The following TAOK1 variants were observed in gnomAD, a reference collection of about 807,000 sequenced individuals.
TAOK1 encodes serine/threonine-protein kinase TAO1.
Under a neutral mutation model 138.3 loss-of-function variants are expected in TAOK1, and 21 were observed. The ratio of observed to expected loss-of-function variants is 0.15; its 90% CI spans 0.11 to 0.22. TAOK1 has a LOEUF of 0.22. TAOK1 is among the 10% of genes least tolerant of loss of function. TAOK1 has a pLI of 1.00. For synonymous variants in TAOK1, 361 were observed against 398.4 expected, an observed-to-expected ratio of 0.91 and a Z score of 1.12; for missense variants, 651 against 1,227.7, an observed-to-expected ratio of 0.53 and a Z score of 7.02.
intron 19 of TAOK1, among the ~76,000 whole-genome samples, chr17:29,540,430 T>C (rs1168656193): frequency 6.6e-6 from 1 of 152,200 alleles, no homozygotes; most frequent in Non-Finnish European, 1.5e-5. Context: ...AGTAGCCCCA[T>C]CTTGGCTCAC....
At chr17:29,439,133 C>T (rs1381309317) in intron 1 of TAOK1, among the ~76,000 whole-genome samples, 2 of 151,508 alleles carry the variant, frequency 1.3e-5, no homozygotes, top group Non-Finnish European at 2.9e-5. Flanking sequence ...AATTTAGCAG[C>T]GATATAGTAT....
intron 1 of TAOK1, among the ~76,000 whole-genome samples, chr17:29,402,100 A>G (rs767875141): frequency 3.9e-5 from 6 of 152,072 alleles, no homozygotes; most frequent in African/African-American, 7.3e-5. Flanking sequence ...TATATTGGGT[A>G]TATTTACCTT....
chr17:29,443,631 T>G (rs1250699514), intron 1 of TAOK1, among the ~76,000 whole-genome samples: 1 of 152,226 alleles, frequency 6.6e-6, no homozygotes, highest in Non-Finnish European at 1.5e-5. Flanking sequence ...CATTGGCTGT[T>G]GATGTGATTG....
chr17:29,508,241 T>C (rs1301822122), intron 14 of TAOK1, 109 bp downstream of exon 14: 15 of 917,590 alleles, frequency 1.6e-5, no homozygotes, highest in African/African-American at 1.0e-4. Flanking sequence ...ACCAAGCAAA[T>C]TGGGGAAAAG....
intron 16 of TAOK1, among the ~76,000 whole-genome samples, chr17:29,518,103 G>A (rs528459061): frequency 2.0e-5 from 3 of 152,272 alleles, no homozygotes; most frequent in South Asian, 4.1e-4. Flanking sequence ...CGGTCTGCCC[G>A]TCTCAGCCTC....
At chr17:29,409,691 A>G (rs1257959771) in intron 1 of TAOK1, among the ~76,000 whole-genome samples, 1 of 151,992 alleles carries the variant, frequency 6.6e-6, no homozygotes, top group Non-Finnish European at 1.5e-5. Flanking sequence ...AAACTTTGGG[A>G]TTATTTTTGA....
intron 11 of TAOK1, among the ~76,000 whole-genome samples, chr17:29,497,420 A>T (rs1326626166): frequency 6.6e-6 from 1 of 152,162 alleles, no homozygotes; most frequent in Non-Finnish European, 1.5e-5. Context: ...ATGTAGTTAA[A>T]TTGTTAACAA....
chr17:29,398,545 T>C (rs1014062953), intron 1 of TAOK1, among the ~76,000 whole-genome samples: 2 of 151,152 alleles, frequency 1.3e-5, no homozygotes, highest in Non-Finnish European at 3.0e-5. Flanking sequence ...TTTTCTTTTT[T>C]AGAGATGGAG....
At chr17:29,410,897 A>G (rs1014429663) in intron 1 of TAOK1, among the ~76,000 whole-genome samples, 1 of 151,830 alleles carries the variant, frequency 6.6e-6, no homozygotes, top group Non-Finnish European at 1.5e-5. Flanking sequence ...GGCCTCCCCA[A>G]GTGCTGTGAT....
intron 15 of TAOK1, chr17:29,511,405 TG>T (rs1361401532): frequency 1.3e-5 from 2 of 152,310 alleles, no homozygotes; most frequent in Non-Finnish European, 2.9e-5. Context: ...GGCAAACATT[TG>T]GTATTTTTTT....
chr17:29,500,739 C>CAAA (rs936742998), intron 12 of TAOK1, among the ~76,000 whole-genome samples: 4 of 87,572 alleles, frequency 4.6e-5, no homozygotes, highest in East Asian at 3.5e-4. Flanking sequence ...GACTCTGTCT[C>CAAA]AAAAAAAAAA....
chr17:29,526,961 A>T (rs1401831616), intron 17 of TAOK1, among the ~76,000 whole-genome samples: 2 of 151,880 alleles, frequency 1.3e-5, no homozygotes, highest in Non-Finnish European at 2.9e-5. Context: ...CCCCATCTCT[A>T]CTAAAAATTA....
At chr17:29,395,824 ATTTTT>A (rs1187461666) in intron 1 of TAOK1, among the ~76,000 whole-genome samples, 187 of 72,104 alleles carry the variant, frequency 2.6e-3, no homozygotes, top group East Asian at 9.7e-3. Flanking sequence ...CGTCTGGCTA[ATTTTT>A]TTTTTTTTTT....
intron 1 of TAOK1, among the ~76,000 whole-genome samples, chr17:29,397,684 C>CATGCATGATACATGTATAT: frequency 7.8e-6 from 1 of 128,116 alleles, no homozygotes; most frequent in Non-Finnish European, 1.6e-5. Flanking sequence ...TACATGTATA[C>CATGCATGATACATGTATAT]ATGTATATTC....
rs2030014891 is a variant in TAOK1, at chr17:29,444,055, C to CA, written c.-94-7398dup. On this transcript the variant is annotated intron_variant, in intron 1 of 19. Transcript: ENST00000261716. The stretch of plus-strand genomic sequence containing the variant: ...GCTTGAGCTCGGGAGACAGAGGTTG[C>CA]AATGAGCCGAGATGGCGCCCCTGCA... 2.6e-5 allele frequency among the ~76,000 whole-genome samples: 4 copies of CA among 151,106 alleles called. No individual in the cohort carries two copies. The South Asian group carries it at 8.3e-4, about 32-fold the overall frequency.
At position 29,508,102 on chromosome 17, in the gene TAOK1, C is replaced by T; in HGVS notation, c.1545C>T (p.Ile515=). 6.2e-7 allele frequency: 1 copy of T among 1,614,014 alleles called. No individual in the cohort carries two copies. Among genetic ancestry groups the T allele is most frequent in the Non-Finnish European group, 8.5e-7 (1 of 1,179,908 alleles). Reference sequence around the variant, plus strand: ...TTGCTGCAGAAATGGAGAAACTTATCAAGAAACACCAGGCTGCCATGGAGA... The same window carrying T: ...TTGCTGCAGAAATGGAGAAACTTATTAAGAAACACCAGGCTGCCATGGAGA... ...NNFAAEMEKL[I]KKHQAAMEKE... is the part of the protein sequence containing the mutation. The change falls in exon 14 of 20, where the codon ATC becomes ATT. Residue 515 remains isoleucine (I), a synonymous_variant. Coordinates refer to ENST00000261716, the MANE Select transcript of TAOK1 (RefSeq NM_020791.4).
intron 1 of TAOK1, among the ~76,000 whole-genome samples, chr17:29,436,776 C>A (rs1010628796): frequency 1.3e-5 from 2 of 152,032 alleles, no homozygotes; most frequent in Middle Eastern, 3.2e-3. Context: ...TAAGATATAA[C>A]CTAAAGAAGA....
At chr17:29,398,918 C>G (rs1224505940) in intron 1 of TAOK1, among the ~76,000 whole-genome samples, 1 of 151,996 alleles carries the variant, frequency 6.6e-6, no homozygotes, top group Non-Finnish European at 1.5e-5. Flanking sequence ...CATGCTAACA[C>G]TCAATAAATT....
At chr17:29,484,911 C>T (rs538876995) in intron 8 of TAOK1, among the ~76,000 whole-genome samples, 3 of 152,062 alleles carry the variant, frequency 2.0e-5, no homozygotes, top group Non-Finnish European at 2.9e-5. Context: ...AATGCAAATC[C>T]GATTCAGTCT....
Sources: allele counts gnomAD v4.1 joint callset (sites outside exome capture counted in the v4.1 genomes callset), GRCh38; gene constraint gnomAD v4.1.1; transcripts MANE v1.5; gene names NCBI Gene and HGNC (gene_info 2026-07-23, HGNC 2026-07-21).